The following ACAD9 variants were observed in gnomAD, a reference collection of about 807,000 sequenced individuals.
ACAD9 encodes acyl-CoA dehydrogenase family member 9, also known as complex I assembly factor ACAD9, mitochondrial.
ACAD9 carries 53 observed loss-of-function variants against 70.2 expected under a neutral mutation model. The ratio of observed to expected loss-of-function variants is 0.75; its 90% confidence interval spans 0.61 to 0.95. The LOEUF is 0.95. Ranked by LOEUF, ACAD9 falls within the 40% of genes least tolerant of loss-of-function variation. The probability of loss-of-function intolerance (pLI) is 0.00; values close to 1 mark genes in which losing one functional copy is unlikely to be tolerated. For missense variants in ACAD9, 777 were observed against 802.8 expected, an observed-to-expected ratio of 0.97 and a Z score of 0.39; for synonymous variants, 313 against 312.1, an observed-to-expected ratio of 1.00 and a Z score of -0.03.
chr3:128,884,462 G>A (rs981229614), intron 1 of ACAD9, among the ~76,000 whole-genome samples, 191 bp from the exon 2 acceptor site: 13 of 152,198 alleles, frequency 8.5e-5, no homozygotes, highest in Non-Finnish European at 1.6e-4. Flanking sequence ...ATGGATGTGG[G>A]TGGTGGAGCC....
rs533700722 is a variant in ACAD9, at chr3:128,900,520, C to T, written c.809-756C>T. Among the ~76,000 whole-genome samples, 37 of 150,098 alleles carry T rather than the reference C, an allele frequency of 2.5e-4. 1 individual carries two copies. Among genetic ancestry groups the T allele is most frequent in the African/African-American group, 7.4e-4 (30 of 40,648 alleles). On this transcript the variant is annotated intron_variant, in intron 7 of 17. Coordinates refer to ENST00000308982, the MANE Select transcript of ACAD9 (RefSeq NM_014049.5). ...CCCAAAGTGCGTGAGCCACCGCACC[C>T]GGCCTTTTTTTTTTTTTTTTTAAAT...
intron 2 of ACAD9, among the ~76,000 whole-genome samples, chr3:128,889,057 A>G (rs1393517268): frequency 6.7e-6 from 1 of 150,136 alleles, no homozygotes; most frequent in African/African-American, 2.5e-5. Flanking sequence ...TATCTTTTCT[A>G]TGTTTAGCTG....
chr3:128,887,663 A>G (rs1576332007), intron 2 of ACAD9, among the ~76,000 whole-genome samples: 2 of 148,306 alleles, frequency 1.3e-5, no homozygotes, highest in Admixed American at 6.7e-5. Context: ...ATATATATAT[A>G]TATATGCAAG....
chr3:128,900,347 C>T (rs1337562296), intron 7 of ACAD9, among the ~76,000 whole-genome samples: 2 of 152,162 alleles, frequency 1.3e-5, no homozygotes, highest in East Asian at 3.9e-4. Context: ...ACGCCATTCT[C>T]CTGCCTCAGC....
At chr3:128,894,680 C>T (rs1349893401) in intron 3 of ACAD9, among the ~76,000 whole-genome samples, 1 of 151,748 alleles carries the variant, frequency 6.6e-6, no homozygotes, top group Admixed American at 6.6e-5. Flanking sequence ...GGACTACAGG[C>T]GTGCGCCGCC....
At chr3:128,908,105 C>A in intron 12 of ACAD9, 80 bp from the exon 13 acceptor site, 5 of 1,363,706 alleles carry the variant, frequency 3.7e-6, no homozygotes, top group Non-Finnish European at 4.2e-6. Context: ...AGGCAGTGGC[C>A]GGCTCTACCC....
intron 17 of ACAD9, among the ~76,000 whole-genome samples, chr3:128,912,226 A>T (rs1053780452): frequency 5.5e-4 from 83 of 152,286 alleles, no homozygotes; most frequent in African/African-American, 2.0e-3. Flanking sequence ...AGTGGGCTGG[A>T]ATCACAGATG....
At chr3:128,907,964 G>T (rs1416452273) in intron 12 of ACAD9, among the ~76,000 whole-genome samples, 3 of 152,082 alleles carry the variant, frequency 2.0e-5, no homozygotes, top group Non-Finnish European at 4.4e-5. Context: ...ACGGAGAGGT[G>T]GGGGGGTCCC....
chr3:128,912,703 C>T lies in ACAD9; in HGVS notation c.*96C>T. 8.7e-7 allele frequency: 1 copy of T among 1,148,468 alleles called. No individual in the cohort carries two copies. Among genetic ancestry groups the T allele is most frequent in the Non-Finnish European group, 1.3e-6 (1 of 761,024 alleles). The allele number at this position is 1,148,468 out of a possible 1,614,324, so 71.1% of individuals were successfully genotyped here. A position where few individuals can be genotyped will look rare whatever the true frequency, so the allele number is the denominator to read the frequency against. On this transcript the variant is annotated 3_prime_UTR_variant, in exon 18 of 18. Transcript: ENST00000308982. ...TTTTCAGAAGGTGTTGGGATTATCACAGGTTAAGCCTTTTGTTCCCCGTCT... is the reference window on the plus strand; with the variant it reads ...TTTTCAGAAGGTGTTGGGATTATCATAGGTTAAGCCTTTTGTTCCCCGTCT...
At chr3:128,911,937 T>C (rs1399116140) in intron 17 of ACAD9, among the ~76,000 whole-genome samples, 2 of 152,172 alleles carry the variant, frequency 1.3e-5, no homozygotes, top group Admixed American at 1.3e-4. Flanking sequence ...CCGCTCTGTC[T>C]GCAGTGCTCT....
At chr3:128,880,239 C>T (rs1935048176) in intron 1 of ACAD9, 1 of 362,252 alleles carries the variant, frequency 2.8e-6, no homozygotes, top group South Asian at 2.2e-5. Flanking sequence ...GGGCTTCCTT[C>T]CCCAGGTGAG....
chr3:128,893,195 A>C (rs1232370759), intron 2 of ACAD9, among the ~76,000 whole-genome samples: 2 of 151,888 alleles, frequency 1.3e-5, no homozygotes, highest in Non-Finnish European at 1.5e-5. Context: ...AAAAAAAAAA[A>C]AAAAATTAGC....
chr3:128,886,428 G>A (rs1935251050), intron 2 of ACAD9, among the ~76,000 whole-genome samples: 1 of 150,702 alleles, frequency 6.6e-6, no homozygotes, highest in Admixed American at 6.6e-5. Flanking sequence ...AAATAATCAG[G>A]CCAGGCGCGG....
intron 6 of ACAD9, chr3:128,898,354 GT>G (rs34469525): frequency 7.0e-6 from 3 of 427,090 alleles, no homozygotes; most frequent in Non-Finnish European, 1.4e-5. Flanking sequence ...GTTTGTTTTT[GT>G]TTTTTAATAA....
chr3:128,881,284 A>T (rs935055606), intron 1 of ACAD9, among the ~76,000 whole-genome samples: 3 of 152,166 alleles, frequency 2.0e-5, no homozygotes, highest in Non-Finnish European at 4.4e-5. Context: ...GATCTTTCAG[A>T]TCTGTTTCCA....
intron 12 of ACAD9, 38 bp from the exon 13 acceptor site, chr3:128,908,147 C>CG (rs774397802): frequency 3.2e-5 from 52 of 1,602,278 alleles, no homozygotes; most frequent in African/African-American, 1.2e-4. Context: ...GCTGCCTGGC[C>CG]GGGGGGCAGC....
At chr3:128,886,882 C>CTT (rs751765275) in intron 2 of ACAD9, among the ~76,000 whole-genome samples, 1 of 143,132 alleles carries the variant, frequency 7.0e-6, no homozygotes, top group Admixed American at 7.0e-5. Context: ...ACTGTGCAGT[C>CTT]TTTTTTTTTT....
At chr3:128,903,923 G>C in intron 9 of ACAD9, 139 bp from the exon 10 acceptor site, 1 of 876,086 alleles carries the variant, frequency 1.1e-6, no homozygotes, top group South Asian at 1.4e-5. Context: ...GGGGGTGCCA[G>C]CTTCTGGGGT....
intron 7 of ACAD9, among the ~76,000 whole-genome samples, chr3:128,900,918 T>A (rs1263689312): frequency 1.3e-5 from 2 of 152,184 alleles, no homozygotes; most frequent in African/African-American, 4.8e-5. Flanking sequence ...TGGCTCTTTA[T>A]ATGCCTGGTT....
Sources: allele counts gnomAD v4.1 joint callset (sites outside exome capture counted in the v4.1 genomes callset), GRCh38; gene constraint gnomAD v4.1.1; transcripts MANE v1.5; gene names NCBI Gene and HGNC (gene_info 2026-07-23, HGNC 2026-07-21).